SUFU: variants seen among roughly 807,000 people sequenced by gnomAD.
SUFU encodes suppressor of fused homolog.
SUFU carries 7 observed loss-of-function variants against 58.9 expected under a neutral mutation model. That is an observed-to-expected ratio of 0.12 (90% CI 0.07 to 0.22). The LOEUF (loss-of-function observed/expected upper bound fraction) is 0.22, where lower values mean the gene tolerates loss of function less well. Among genes scored for constraint, SUFU ranks in the 10% least tolerant of loss-of-function variants. SUFU has a pLI of 1.00. For missense variants in SUFU, 451 were observed against 641.3 expected, an observed-to-expected ratio of 0.70 and a Z score of 3.20; for synonymous variants, 232 against 254.8, an observed-to-expected ratio of 0.91 and a Z score of 0.85.
rs1379151827 is a variant in SUFU at position 102,568,941 on chromosome 10, T to TACACACAC, written c.454+18836_454+18837insCACACACA. 5.0e-4 allele frequency among the ~76,000 whole-genome samples: 34 copies of TACACACAC among 68,416 alleles called. 1 individual carries two copies. Among genetic ancestry groups the TACACACAC allele is most frequent in the African/African-American group, 1.7e-3 (34 of 19,582 alleles). 44.9% of individuals were successfully genotyped at this position (68,416 alleles called of 152,430 possible). On this transcript the variant is annotated intron_variant, in intron 3 of 11. Transcript: ENST00000369902. ...ATATACACATATATATATATATATA[T>TACACACAC]ATATATATATATATATATATATCTA...
At chr10:102,601,100 G>C (rs2063511508) in intron 8 of SUFU, among the ~76,000 whole-genome samples, 1 of 152,190 alleles carries the variant, frequency 6.6e-6, no homozygotes, top group African/African-American at 2.4e-5. Context: ...CTATAACATG[G>C]ACACAGTCTC....
At chr10:102,601,864 G>T (rs1286815454) in intron 8 of SUFU, among the ~76,000 whole-genome samples, 1 of 152,208 alleles carries the variant, frequency 6.6e-6, no homozygotes, top group Non-Finnish European at 1.5e-5. Flanking sequence ...GGCAGCCAGC[G>T]TGGGCCATAT....
intron 2 of SUFU, among the ~76,000 whole-genome samples, chr10:102,549,507 G>A (rs2062889433): frequency 6.6e-6 from 1 of 152,236 alleles, no homozygotes. Context: ...TTCAAGATGA[G>A]ATTTGGGTGG....
Position 102,630,882 on chromosome 10 carries a change from T to C in SUFU, c.*727T>C, listed in dbSNP as rs2135961176. ...GCCGGCTGCACAGAGAGGCTTTTCT[T>C]CCCAGCTGGGCCTGGTGGAGCCCGG... On this transcript the variant is annotated 3_prime_UTR_variant, in exon 12 of 12. Coordinates refer to ENST00000369902, the MANE Select transcript of SUFU (RefSeq NM_016169.4). 4.3e-6 allele frequency: 1 copy of C among 235,166 alleles called. No individual in the cohort carries two copies. The highest frequency in any genetic ancestry group is 8.4e-6 in the Non-Finnish European group (1 of 119,470). 14.6% of individuals were successfully genotyped at this position (235,166 alleles called of 1,614,324 possible).
Position 102,615,407 on chromosome 10 carries a change from G to A in SUFU, c.1157+5G>A. The A allele has an allele frequency of 6.2e-7, 1 of 1,614,000 alleles. No individual in the cohort carries two copies. The highest frequency in any genetic ancestry group is 8.5e-7 in the Non-Finnish European group (1 of 1,179,916). On this transcript the variant is annotated splice_donor_5th_base_variant and intron_variant, in intron 9 of 11. Coordinates refer to ENST00000369902, the MANE Select transcript of SUFU (RefSeq NM_016169.4). Reference sequence around the variant, plus strand: ...CCTCATTCCTCTCTGCCTAAGGTGAGCGAGACAGCCCTGCCACACAGTTTA... The same window carrying A: ...CCTCATTCCTCTCTGCCTAAGGTGAACGAGACAGCCCTGCCACACAGTTTA...
Position 102,619,472 on chromosome 10 carries a change from C to A in SUFU, c.1296+2044C>A. Reference sequence around the variant, plus strand: ...TGCTGGGAGCTACTCAATCAAAGGCCTGTGTTATGGGCTCATTAGTGTGGT... The same window carrying A: ...TGCTGGGAGCTACTCAATCAAAGGCATGTGTTATGGGCTCATTAGTGTGGT... On this transcript the variant is annotated intron_variant, in intron 10 of 11. Coordinates refer to ENST00000369902, the MANE Select transcript of SUFU (RefSeq NM_016169.4). The surrounding 1 kb of genome is among the most constrained non-coding windows in gnomAD (Gnocchi z 4.2). 1 of 1,259,676 alleles carries A rather than the reference C, an allele frequency of 7.9e-7. No individual in the cohort carries two copies. Among genetic ancestry groups the A allele is most frequent in the Non-Finnish European group, 1.0e-6 (1 of 992,084 alleles). 78.0% of individuals were successfully genotyped at this position (1,259,676 alleles called of 1,614,324 possible).
intron 2 of SUFU, among the ~76,000 whole-genome samples, chr10:102,541,875 ATTTTTTT>A (rs58231037): frequency 5.3e-4 from 46 of 86,524 alleles, no homozygotes; most frequent in Admixed American, 3.5e-3. Context: ...TGCCCGGCTA[ATTTTTTT>A]TTTTTTTTTT....
chr10:102,604,064 C>G (rs1029341392), intron 8 of SUFU, among the ~76,000 whole-genome samples: 2 of 152,218 alleles, frequency 1.3e-5, no homozygotes, highest in African/African-American at 4.8e-5. Context: ...AGGGGTCTCT[C>G]CTGTCAGCGC....
At chr10:102,609,703 ATC>A (rs1170612201) in intron 8 of SUFU, among the ~76,000 whole-genome samples, 1 of 152,210 alleles carries the variant, frequency 6.6e-6, no homozygotes, top group African/African-American at 2.4e-5. Context: ...AGAGGGTTGA[ATC>A]TATTATTTCA....
At chr10:102,533,645 C>G (rs1218545411) in intron 2 of SUFU, among the ~76,000 whole-genome samples, 1 of 152,152 alleles carries the variant, frequency 6.6e-6, no homozygotes. Flanking sequence ...CATGTCCATT[C>G]CTTAGCTCAC....
chr10:102,588,202 G>A (rs1281186520), intron 3 of SUFU, among the ~76,000 whole-genome samples: 1 of 152,034 alleles, frequency 6.6e-6, no homozygotes, highest in Admixed American at 6.5e-5. Flanking sequence ...CGAGACCCTG[G>A]CTAACATGGT....
At chr10:102,612,987 T>C (rs1186035578) in intron 8 of SUFU, among the ~76,000 whole-genome samples, 1 of 152,174 alleles carries the variant, frequency 6.6e-6, no homozygotes, top group Non-Finnish European at 1.5e-5. Flanking sequence ...CTGCTCTTGT[T>C]TGGGCCCTGA....
rs144841840 is a variant in SUFU, at chr10:102,606,228, C to T, written c.1022+6684C>T. Among the ~76,000 whole-genome samples, 27 of 152,218 alleles carry T rather than the reference C, an allele frequency of 1.8e-4. No individual in the cohort carries two copies. The East Asian group carries it at 4.4e-3, about 25-fold the overall frequency. ...GTATATTAGGATCTATAAAAAGTCA[C>T]CTTATGCAGTGAGAAATACAAGTAT... On this transcript the variant is annotated intron_variant, in intron 8 of 11. Transcript: ENST00000369902.
chr10:102,513,606 C>T (rs1303922088), intron 2 of SUFU, among the ~76,000 whole-genome samples: 1 of 152,188 alleles, frequency 6.6e-6, no homozygotes, highest in African/African-American at 2.4e-5. Flanking sequence ...GGTCTGGGAG[C>T]AGAGCAGAGG....
At chr10:102,627,305 G>T in intron 11 of SUFU, 62 bp downstream of exon 11, 2 of 1,433,528 alleles carry the variant, frequency 1.4e-6, no homozygotes, top group Admixed American at 1.7e-5. Flanking sequence ...GTGTGCGTGC[G>T]TGTGCACGTC....
At chr10:102,553,464 A>AT (rs150900167) in intron 3 of SUFU, among the ~76,000 whole-genome samples, 551 of 142,558 alleles carry the variant, frequency 3.9e-3, no homozygotes, top group South Asian at 9.6e-3. Context: ...ACAAAGGCAA[A>AT]TTTTTTTTTT....
intron 8 of SUFU, among the ~76,000 whole-genome samples, chr10:102,601,975 G>C (rs746557567): frequency 6.6e-6 from 1 of 152,204 alleles, no homozygotes; most frequent in Non-Finnish European, 1.5e-5. Flanking sequence ...GGAAGATACA[G>C]AGCTAAATCA....
chr10:102,567,528 C>T (rs2063104054), intron 3 of SUFU, among the ~76,000 whole-genome samples: 1 of 152,050 alleles, frequency 6.6e-6, no homozygotes, highest in Non-Finnish European at 1.5e-5. Context: ...ACTCAAGGAC[C>T]AAGAGAACAG....
intron 10 of SUFU, among the ~76,000 whole-genome samples, chr10:102,622,928 T>C (rs961810365): frequency 2.1e-5 from 3 of 142,922 alleles, no homozygotes; most frequent in Non-Finnish European, 3.0e-5. Context: ...GAGGCAGAGG[T>C]TGCGGTGAGT....
Sources: gnomAD v4.1 joint callset for allele counts (sites outside exome capture counted in the v4.1 genomes callset) on GRCh38, gnomAD v4.1.1 for gene constraint, Gnocchi (gnomAD v3.1) non-coding constraint, MANE v1.5 for transcripts, NCBI Gene and HGNC (gene_info 2026-07-23, HGNC 2026-07-21) for gene names.